The following MTMR10 variants were observed in gnomAD, a reference collection of about 807,000 sequenced individuals.
The protein encoded by MTMR10 is myotubularin-related protein 10.
MTMR10 carries 56 observed loss-of-function variants against 88.1 expected under a neutral mutation model. The ratio of observed to expected loss-of-function variants is 0.64; its 90% confidence interval spans 0.51 to 0.79. The LOEUF is 0.79. MTMR10 is among the 30% of genes least tolerant of loss of function. The pLI, the probability that MTMR10 is intolerant of heterozygous loss-of-function variation, is 0.00. For synonymous variants in MTMR10, 380 were observed against 340.9 expected (o/e 1.11, Z -1.26); for missense variants, 883 against 924.7 (o/e 0.95, Z 0.58).
At chr15:30,933,302 T>C in the MTMR10 span, among the ~76,000 whole-genome samples, 12 of 152,232 alleles carry the variant, frequency 7.9e-5, no homozygotes, top group African/African-American at 2.9e-4. Context: ...TATCTGAACC[T>C]CACAAATTTA....
intron 2 of MTMR10, among the ~76,000 whole-genome samples, chr15:30,984,378 T>C (rs963360269): frequency 2.0e-5 from 3 of 152,248 alleles, no homozygotes; most frequent in Non-Finnish European, 4.4e-5. Flanking sequence ...CACTGTTCAC[T>C]GTTCTGAGGG....
the MTMR10 span, chr15:30,922,111 C>A: frequency 7.9e-7 from 1 of 1,273,234 alleles, no homozygotes; most frequent in Non-Finnish European, 1.1e-6. Flanking sequence ...GGGTCCTTGG[C>A]CTCATTGTAG....
chr15:30,947,003 C>A, intron 14 of MTMR10, 127 bp downstream of exon 14: 1 of 1,212,624 alleles, frequency 8.2e-7, no homozygotes, highest in East Asian at 2.5e-5. Context: ...TCAGAAATTT[C>A]AGCTGAAAAT....
At chr15:30,947,857 G>C (rs1019877814) in intron 13 of MTMR10, among the ~76,000 whole-genome samples, 1 of 152,186 alleles carries the variant, frequency 6.6e-6, no homozygotes, top group African/African-American at 2.4e-5. Flanking sequence ...TGCCTGGCCG[G>C]TAAGATATTT....
chr15:30,948,130 T>A (rs1345024387), intron 13 of MTMR10, among the ~76,000 whole-genome samples, 172 bp downstream of exon 13: 1 of 152,232 alleles, frequency 6.6e-6, no homozygotes, highest in Admixed American at 6.5e-5. Flanking sequence ...GTTACGATAA[T>A]CTTTATAATA....
At chr15:30,932,005 G>A in the MTMR10 span, among the ~76,000 whole-genome samples, 1 of 151,028 alleles carries the variant, frequency 6.6e-6, no homozygotes, top group Admixed American at 6.6e-5. Flanking sequence ...GGCGGATCAC[G>A]AGGTCAGGAG....
At position 30,943,943 on chromosome 15, in the gene MTMR10, C is replaced by G. The variant is rs1026796431; in HGVS notation, c.1549-871G>C. 8 of 985,210 alleles carry G rather than the reference C, an allele frequency of 8.1e-6. No homozygotes were observed. The African/African-American group carries it at 1.4e-4, about 17-fold the overall frequency. 61.0% of individuals were successfully genotyped at this position (985,210 alleles called of 1,614,324 possible). Reference sequence around the variant, plus strand: ...CAACAGTTCGCTGGAGGAAATAACTCCAGACACAAAGTCGCTGGATGATGG... The same window carrying G: ...CAACAGTTCGCTGGAGGAAATAACTGCAGACACAAAGTCGCTGGATGATGG... On this transcript the variant is annotated intron_variant, in intron 14 of 15. Coordinates refer to ENST00000435680, the MANE Select transcript of MTMR10 (RefSeq NM_017762.3).
the MTMR10 span, chr15:30,926,564 A>G: frequency 1.5e-5 from 14 of 944,482 alleles, no homozygotes; most frequent in African/African-American, 1.8e-5. Context: ...GTTCTTTCTG[A>G]TGAGTGTTGA....
At chr15:30,969,923 GTCTGTTCAACACTAC>G (rs1354753059) in intron 5 of MTMR10, among the ~76,000 whole-genome samples, 1 of 152,106 alleles carries the variant, frequency 6.6e-6, no homozygotes, top group Non-Finnish European at 1.5e-5. Context: ...AAACTGTCAT[GTCTGTTCAACACTAC>G]TCTCTTCACA....
At position 30,948,464 on chromosome 15, in the gene MTMR10, TTCC is replaced by T. The variant is rs1406590092; in HGVS notation, c.1212_1214del (p.Glu405del). The T allele has an allele frequency of 6.2e-7, 1 of 1,604,574 alleles. No individual in the cohort carries two copies. The highest frequency in any genetic ancestry group is 8.5e-7 in the Non-Finnish European group (1 of 1,175,140). ...CTACACAACAGCTCAAGTCTCTTCC[TTCC>T]TCCTCTGTTAATAAAATGGAAAGAA... is the stretch of plus-strand genomic sequence containing the variant. On this transcript the variant is annotated inframe_deletion, in exon 13 of 16. Transcript: ENST00000435680.
intron 14 of MTMR10, chr15:30,943,839 C>G (rs923725083): frequency 1.0e-6 from 1 of 985,304 alleles, no homozygotes; most frequent in Admixed American, 6.1e-5. Flanking sequence ...CTATGAAGCA[C>G]AGTCACATTT....
At chr15:30,978,832 AACTT>A (rs2030348721) in intron 2 of MTMR10, among the ~76,000 whole-genome samples, 1 of 152,196 alleles carries the variant, frequency 6.6e-6, no homozygotes, top group Admixed American at 6.5e-5. Context: ...CAAGTACCAA[AACTT>A]ATTAAAGTTC....
chr15:30,982,082 G>GAAAAGA (rs1160216997), intron 2 of MTMR10, among the ~76,000 whole-genome samples: 22 of 142,852 alleles, frequency 1.5e-4, no homozygotes, highest in Admixed American at 8.9e-4. Context: ...AAAAAAAAAA[G>GAAAAGA]AAAAGAAAAA....
the MTMR10 span, among the ~76,000 whole-genome samples, chr15:30,924,218 T>A: frequency 6.6e-6 from 1 of 152,228 alleles, no homozygotes; most frequent in Non-Finnish European, 1.5e-5. Flanking sequence ...CACTGTAGCA[T>A]CTGATACCAC....
intron 12 of MTMR10, among the ~76,000 whole-genome samples, chr15:30,950,878 A>C (rs757938488): frequency 3.9e-5 from 6 of 152,200 alleles, no homozygotes; most frequent in Non-Finnish European, 7.3e-5. Context: ...GTACACTTTA[A>C]GTTACCTCTA....
chr15:30,988,016 A>G (rs560638418), intron 2 of MTMR10, among the ~76,000 whole-genome samples: 6 of 152,248 alleles, frequency 3.9e-5, no homozygotes, highest in African/African-American at 1.4e-4. Context: ...GGCAAGAACT[A>G]TATTATTCAC....
rs1030795856 is a variant in MTMR10, at chr15:30,991,360, T to G, written c.60+87A>C. On this transcript the variant is annotated intron_variant, in intron 1 of 15. Transcript: ENST00000435680. ...GGGCAGGGAGACGCGCGCAGCCTCC[T>G]GGGGTCCTCCAGTTCCCGGGGGTCG... 3.1e-6 allele frequency: 4 copies of G among 1,298,866 alleles called. No homozygotes were observed. In the Middle Eastern group the frequency reaches 7.9e-4, roughly 258 times the overall value. The allele number at this position is 1,298,866 out of a possible 1,614,324, so 80.5% of individuals were successfully genotyped here. A position where few individuals can be genotyped will look rare whatever the true frequency, so the allele number is the denominator to read the frequency against.
chr15:30,944,885 G>T (rs562549869), intron 14 of MTMR10, among the ~76,000 whole-genome samples: 1 of 151,828 alleles, frequency 6.6e-6, no homozygotes, highest in African/African-American at 2.4e-5. Flanking sequence ...GGTGGCATGC[G>T]CCTGCAGTCC....
the MTMR10 span, chr15:30,929,363 G>C: frequency 1.9e-6 from 3 of 1,611,490 alleles, no homozygotes; most frequent in Non-Finnish European, 2.5e-6. Context: ...TCCCTTGTCA[G>C]CTGGGATCGC....
Sources: gnomAD v4.1 joint callset for allele counts (sites outside exome capture counted in the v4.1 genomes callset) on GRCh38, gnomAD v4.1.1 for gene constraint, MANE v1.5 for transcripts, NCBI Gene and HGNC (gene_info 2026-07-23, HGNC 2026-07-21) for gene names.